QSER1: variants seen among roughly 807,000 people sequenced by gnomAD.
QSER1 encodes the protein glutamine and serine rich 1, also known as glutamine and serine-rich protein 1.
A neutral mutation model predicts 158.5 loss-of-function variants in QSER1; 49 were observed. The ratio of observed to expected loss-of-function variants is 0.31; its 90% CI spans 0.25 to 0.39. QSER1 has a LOEUF of 0.39. QSER1 is among the 10% of genes least tolerant of loss of function. The pLI is 1.00. For synonymous variants in QSER1, 650 were observed against 715.5 expected (o/e 0.91, Z 1.46); for missense variants, 1,754 against 2,010.3 (o/e 0.87, Z 2.44).
At chr11:32,922,786 AT>A (rs573369402) in intron 1 of QSER1, among the ~76,000 whole-genome samples, 38 of 145,304 alleles carry the variant, frequency 2.6e-4, no homozygotes, top group Non-Finnish European at 2.7e-4. Context: ...TGCCCGGCCT[AT>A]TTTTTTTTTT....
chr11:32,968,827 A>T (rs1045241130), intron 9 of QSER1, among the ~76,000 whole-genome samples: 1 of 152,232 alleles, frequency 6.6e-6, no homozygotes, highest in African/African-American at 2.4e-5. Context: ...TCATCCCATC[A>T]TCATACTGAG....
intron 10 of QSER1, among the ~76,000 whole-genome samples, chr11:32,972,406 CTTATTTATTTATTTAT>C (rs34645067): frequency 0.012 from 1,745 of 140,996 alleles, 35 homozygotes; most frequent in African/African-American, 0.043. Flanking sequence ...AGGCCAGTGG[CTTATTTATTTATTTAT>C]TTATTTATTT....
chr11:32,955,935 G>GC, intron 6 of QSER1, 53 bp from the exon 7 acceptor site: 1 of 1,500,344 alleles, frequency 6.7e-7, no homozygotes, highest in Non-Finnish European at 9.1e-7. Context: ...AAACAAAGTA[G>GC]CATTTGTATC....
Position 32,932,438 on chromosome 11 carries a change from T to C in QSER1, c.1180T>C (p.Ser394Pro), listed in dbSNP as rs751169655. 1.6e-5 allele frequency: 26 copies of C among 1,613,300 alleles called. No individual in the cohort carries two copies. In the South Asian group the frequency reaches 2.3e-4, roughly 14 times the overall value. Reference protein sequence around the residue: ...QVSVELAQSYSSAIPSSGYPP... With the variant: ...QVSVELAQSYPSAIPSSGYPP... Reference sequence around the variant, plus strand: ...CTCAGTGGAACTTGCTCAGTCTTACTCATCTGCGATTCCATCATCAGGGTA... The same window carrying C: ...CTCAGTGGAACTTGCTCAGTCTTACCCATCTGCGATTCCATCATCAGGGTA... Residue 394 changes from serine to proline, a missense_variant, in exon 4 of 13, where the codon TCA becomes CCA. Physicochemically the swap from Ser to Pro is moderately conservative, Grantham distance 74. Transcript: ENST00000650167.
chr11:32,901,045 C>A (rs1421450767), intron 1 of QSER1, among the ~76,000 whole-genome samples: 1 of 152,188 alleles, frequency 6.6e-6, no homozygotes, highest in Non-Finnish European at 1.5e-5. Flanking sequence ...CTGTACAAGG[C>A]AGGTTAGTAT....
Position 32,893,182 on chromosome 11 carries a change from CGCGCCCCCCGCCGCCCCCGTCCCCGCCA to C in QSER1, c.63_90del (p.Pro22LeufsTer41). 1 of 145,986 alleles carries C rather than the reference CGCGCCCCCCGCCGCCCCCGTCCCCGCCA, an allele frequency of 6.8e-6. No individual in the cohort carries two copies. The highest frequency in any genetic ancestry group is 1.5e-5 in the Non-Finnish European group (1 of 66,674). The allele number at this position is 145,986 out of a possible 1,614,324, so 9.0% of individuals were successfully genotyped here. A position where few individuals can be genotyped will look rare whatever the true frequency, so the allele number is the denominator to read the frequency against. On this transcript the variant is annotated frameshift_variant, in exon 1 of 13. Coordinates refer to ENST00000650167, the MANE Select transcript of QSER1 (RefSeq NM_001076786.3). LOFTEE classifies it high-confidence loss of function. The surrounding 1 kb of genome is among the most constrained non-coding windows in gnomAD (Gnocchi z 4.7). ...CCGAGCCGCCGCCGCCGCCGCCGCC[CGCGCCCCCCGCCGCCCCCGTCCCCGCCA>C]GCGCCGCTGCGCAGCCCCCCGCCCC...
intron 1 of QSER1, among the ~76,000 whole-genome samples, chr11:32,918,673 A>AGGATGAGG (rs1263732433): frequency 1.3e-5 from 2 of 151,984 alleles, no homozygotes; most frequent in Non-Finnish European, 2.9e-5. Flanking sequence ...ACTCAGGCTG[A>AGGATGAGG]GGATGAGGGG....
At position 32,933,324 on chromosome 11, in the gene QSER1, A is replaced by C. The variant is rs775439715; in HGVS notation, c.2066A>C (p.Gln689Pro). 1.9e-6 allele frequency: 3 copies of C among 1,611,432 alleles called. No individual in the cohort carries two copies. Among genetic ancestry groups the C allele is most frequent in the Non-Finnish European group, 1.7e-6 (2 of 1,179,114 alleles). The change falls in exon 4 of 13, where the codon CAA (glutamine) becomes CCA (proline). Residue 689 changes from glutamine (Q) to proline (P), a missense_variant. Physicochemically the swap from Gln to Pro is moderately conservative, Grantham distance 76. Around this residue, in one of 2 missense-constraint regions of QSER1, gnomAD observed 1,707 missense variants for 1,919.6 expected, o/e 0.89. Transcript: ENST00000650167. ...LDSDVYPSSK[Q>P]EDGFPMQELQ... Reference sequence around the variant, plus strand: ...TCAGATGTGTATCCATCTTCAAAGCAAGAAGATGGTTTTCCAATGCAAGAG... The same window carrying C: ...TCAGATGTGTATCCATCTTCAAAGCCAGAAGATGGTTTTCCAATGCAAGAG...
intron 1 of QSER1, among the ~76,000 whole-genome samples, chr11:32,919,748 A>T (rs1015371896): frequency 2.6e-5 from 4 of 152,160 alleles, no homozygotes; most frequent in African/African-American, 4.8e-5. Flanking sequence ...ACATAAATTA[A>T]TTGGGAATTC....
At position 32,935,337 on chromosome 11, in the gene QSER1, C is replaced by T; in HGVS notation, c.4079C>T (p.Ser1360Phe). The T allele has an allele frequency of 1.2e-6, 2 of 1,613,012 alleles. No individual in the cohort carries two copies. Among genetic ancestry groups the T allele is most frequent in the East Asian group, 2.2e-5 (1 of 44,876 alleles). The change falls in exon 4 of 13, where the codon TCT becomes TTT. Residue 1360 changes from serine to phenylalanine, a missense_variant. Physicochemically the swap from Ser to Phe is radical, Grantham distance 155. Transcript: ENST00000650167. ...KNLEHLSSFS[S>F]DEDDPGYSQD... ...TTGGAACATTTATCTTCATTTTCTT[C>T]TGATGAAGATGATCCTGGATATAGT...
At chr11:32,938,167 T>C (rs1354879812) in intron 4 of QSER1, among the ~76,000 whole-genome samples, 1 of 152,188 alleles carries the variant, frequency 6.6e-6, no homozygotes, top group African/African-American at 2.4e-5. Flanking sequence ...TTAGGGCATG[T>C]TCCTCATCTG....
At position 32,917,660 on chromosome 11, in the gene QSER1, C is replaced by T. The variant is rs569986524; in HGVS notation, c.210-9497C>T. On this transcript the variant is annotated intron_variant, in intron 1 of 12. Transcript: ENST00000650167. Reference sequence around the variant, plus strand: ...AGCCAACATGGTGAAACCCCATCTCCACTAAAAATACAAAAACTAACTGGG... The same window carrying T: ...AGCCAACATGGTGAAACCCCATCTCTACTAAAAATACAAAAACTAACTGGG... 1.3e-4 allele frequency among the ~76,000 whole-genome samples: 20 copies of T among 151,724 alleles called. No individual in the cohort carries two copies. In the South Asian group the frequency reaches 3.7e-3, roughly 28 times the overall value.
chr11:32,897,554 C>T (rs1324936624), intron 1 of QSER1, among the ~76,000 whole-genome samples: 1 of 152,218 alleles, frequency 6.6e-6, no homozygotes, highest in Non-Finnish European at 1.5e-5. Context: ...TCCTGTTCTT[C>T]ACTGGTGTTT....
At chr11:32,921,474 T>G (rs1221557711) in intron 1 of QSER1, among the ~76,000 whole-genome samples, 1 of 152,234 alleles carries the variant, frequency 6.6e-6, no homozygotes, top group Non-Finnish European at 1.5e-5. Context: ...TTAGCATACT[T>G]TAAAAGGGTG....
At chr11:32,910,560 T>C (rs1851753399) in intron 1 of QSER1, among the ~76,000 whole-genome samples, 2 of 152,220 alleles carry the variant, frequency 1.3e-5, no homozygotes, top group South Asian at 4.1e-4. Flanking sequence ...GCAGGAACTT[T>C]GTCATTGTGT....
intron 1 of QSER1, among the ~76,000 whole-genome samples, chr11:32,899,154 C>A (rs1004693265): frequency 6.6e-6 from 1 of 152,050 alleles, no homozygotes; most frequent in African/African-American, 2.4e-5. Flanking sequence ...TTTGAAGAAC[C>A]CCTATGTGTT....
At chr11:32,906,818 G>A (rs968078466) in intron 1 of QSER1, among the ~76,000 whole-genome samples, 9 of 152,060 alleles carry the variant, frequency 5.9e-5, no homozygotes, top group Non-Finnish European at 1.0e-4. Context: ...TTAGCACATG[G>A]TCAGTCTTCT....
rs1250888951 is a variant in QSER1 at position 32,977,945 on chromosome 11, G to C, written c.*1471G>C. The stretch of plus-strand genomic sequence containing the variant: ...GATATTGCTATTGTCTTGCTTTTGA[G>C]TTAACAGGCCAACTTTTTATACTTA... On this transcript the variant is annotated 3_prime_UTR_variant, in exon 13 of 13. Coordinates refer to ENST00000650167, the MANE Select transcript of QSER1 (RefSeq NM_001076786.3). The C allele has an allele frequency of 1.3e-5, 2 of 152,594 alleles. No homozygotes were observed. Among genetic ancestry groups the C allele is most frequent in the Non-Finnish European group, 2.9e-5 (2 of 68,024 alleles). 9.5% of individuals were successfully genotyped at this position (152,594 alleles called of 1,614,324 possible). A position where few individuals can be genotyped will look rare whatever the true frequency, so the allele number is the denominator to read the frequency against.
Position 32,913,392 on chromosome 11 carries a change from A to G in QSER1, c.210-13765A>G, listed in dbSNP as rs192488369. On this transcript the variant is annotated intron_variant, in intron 1 of 12. Coordinates refer to ENST00000650167, the MANE Select transcript of QSER1 (RefSeq NM_001076786.3). ...TTTATTTTAGTAGAGACGAGGTTTCATCGTGTTAGCCAGGATGGTCTCGAT... is the reference window on the plus strand; with the variant it reads ...TTTATTTTAGTAGAGACGAGGTTTCGTCGTGTTAGCCAGGATGGTCTCGAT... 5.2e-3 allele frequency among the ~76,000 whole-genome samples: 782 copies of G among 151,718 alleles called. 1 individual carries two copies. The highest frequency in any genetic ancestry group is 8.7e-3 in the Non-Finnish European group (588 of 67,904).
Sources: gnomAD v4.1 joint callset for allele counts (sites outside exome capture counted in the v4.1 genomes callset) on GRCh38, gnomAD v4.1.1 for gene constraint, gnomAD v4.1.1 regional missense constraint, Gnocchi (gnomAD v3.1) non-coding constraint, MANE v1.5 for transcripts, NCBI Gene and HGNC (gene_info 2026-07-23, HGNC 2026-07-21) for gene names.